FNDC3A: variants seen among roughly 807,000 people sequenced by gnomAD.
FNDC3A encodes fibronectin type III domain containing 3A, also known as fibronectin type-III domain-containing protein 3A.
Under a neutral mutation model 148.9 loss-of-function variants are expected in FNDC3A, and 32 were observed. That is an observed-to-expected ratio of 0.21 (90% CI 0.16 to 0.29). The LOEUF (loss-of-function observed/expected upper bound fraction) is 0.29. Among genes scored for constraint, FNDC3A ranks in the 10% least tolerant of loss-of-function variants. The pLI, the probability that FNDC3A is intolerant of heterozygous loss-of-function variation, is 1.00. For missense variants in FNDC3A, 1,191 were observed against 1,452.8 expected, an observed-to-expected ratio of 0.82 and a Z score of 2.93; for synonymous variants, 472 against 473.6, an observed-to-expected ratio of 1.00 and a Z score of 0.04.
chr13:49,096,209 A>G (rs1425829709), intron 3 of FNDC3A, among the ~76,000 whole-genome samples: 1 of 152,144 alleles, frequency 6.6e-6, no homozygotes, highest in Non-Finnish European at 1.5e-5. Flanking sequence ...ACAAAATAAC[A>G]TAATGGTTGC....
intron 1 of FNDC3A, among the ~76,000 whole-genome samples, chr13:48,996,756 C>T (rs566125083): frequency 5.3e-5 from 8 of 152,034 alleles, no homozygotes; most frequent in Non-Finnish European, 1.0e-4. Context: ...CATCAAAAAA[C>T]CACATCAAAA....
chr13:49,065,284 A>G (rs1279452588), intron 2 of FNDC3A, among the ~76,000 whole-genome samples: 1 of 152,158 alleles, frequency 6.6e-6, no homozygotes, highest in Non-Finnish European at 1.5e-5. Context: ...TCAGGAACCC[A>G]GGAGGGAACT....
chr13:49,147,162 A>G (rs1292390180), intron 8 of FNDC3A, among the ~76,000 whole-genome samples: 2 of 152,198 alleles, frequency 1.3e-5, no homozygotes, highest in Non-Finnish European at 2.9e-5. Flanking sequence ...AGGGGTAAGT[A>G]GGGGATAAAG....
intron 11 of FNDC3A, among the ~76,000 whole-genome samples, chr13:49,173,902 T>G (rs1166008657): frequency 6.6e-6 from 1 of 152,226 alleles, no homozygotes; most frequent in East Asian, 1.9e-4. Context: ...TCTCTCCTTC[T>G]TATTGCCTGT....
At chr13:49,193,319 G>GGTAT (rs975969556) in intron 19 of FNDC3A, among the ~76,000 whole-genome samples, 1 of 152,114 alleles carries the variant, frequency 6.6e-6, no homozygotes, top group Non-Finnish European at 1.5e-5. Context: ...GGAGAGCAGG[G>GGTAT]GTATGATCAT....
At chr13:49,046,337 G>A in intron 2 of FNDC3A, 1 of 177,416 alleles carries the variant, frequency 5.6e-6, no homozygotes, top group Middle Eastern at 5.0e-4. Flanking sequence ...TAAACATCTT[G>A]AAACAATCTT....
intron 19 of FNDC3A, 87 bp downstream of exon 19, chr13:49,191,471 AT>A (rs1885884939): frequency 8.5e-7 from 1 of 1,174,728 alleles, no homozygotes; most frequent in Non-Finnish European, 1.2e-6. Flanking sequence ...TTATTTGGCC[AT>A]TTGGCTTTAA....
At chr13:49,124,954 G>A (rs1430042400) in intron 4 of FNDC3A, among the ~76,000 whole-genome samples, 1 of 152,152 alleles carries the variant, frequency 6.6e-6, no homozygotes. Context: ...ACTCCTGAAA[G>A]GCAATATCAG....
intron 3 of FNDC3A, among the ~76,000 whole-genome samples, chr13:49,113,681 C>G (rs1880732302): frequency 6.6e-6 from 1 of 152,048 alleles, no homozygotes; most frequent in Admixed American, 6.6e-5. Flanking sequence ...TTCTTATTCC[C>G]TTAGAAATAA....
At chr13:49,112,433 C>T (rs1010729745) in intron 3 of FNDC3A, among the ~76,000 whole-genome samples, 3 of 151,496 alleles carry the variant, frequency 2.0e-5, no homozygotes, top group Non-Finnish European at 4.4e-5. Flanking sequence ...GCTTTTCTGC[C>T]TAGAGGTATA....
intron 2 of FNDC3A, among the ~76,000 whole-genome samples, chr13:49,073,110 A>T (rs1311173864): frequency 6.6e-6 from 1 of 152,226 alleles, no homozygotes; most frequent in African/African-American, 2.4e-5. Flanking sequence ...ACAGCTGTAG[A>T]TGAAGTTAAA....
chr13:49,071,967 A>G (rs1433824536), intron 2 of FNDC3A, among the ~76,000 whole-genome samples: 1 of 152,130 alleles, frequency 6.6e-6, no homozygotes, highest in Admixed American at 6.5e-5. Context: ...GTGAGCTACC[A>G]TGTCCAGCTA....
intron 2 of FNDC3A, among the ~76,000 whole-genome samples, chr13:49,068,714 T>C (rs1877438090): frequency 6.6e-6 from 1 of 152,194 alleles, no homozygotes; most frequent in Non-Finnish European, 1.5e-5. Context: ...CATGGAATAC[T>C]ATGCAGCCAT....
intron 5 of FNDC3A, among the ~76,000 whole-genome samples, chr13:49,132,586 A>G (rs987255811): frequency 6.6e-6 from 1 of 152,192 alleles, no homozygotes; most frequent in Admixed American, 6.5e-5. Context: ...GACATTTCCA[A>G]ATGATCCCTA....
At chr13:49,023,465 T>C (rs1873473963) in intron 2 of FNDC3A, among the ~76,000 whole-genome samples, 1 of 151,528 alleles carries the variant, frequency 6.6e-6, no homozygotes, top group Non-Finnish European at 1.5e-5. Flanking sequence ...TTTAATATGT[T>C]TTTAAAACTG....
In FNDC3A at chr13:49,207,275, G is replaced by C. The variant is rs1441035169; in HGVS notation, c.3477G>C (p.Val1159=). 7 of 1,614,074 alleles carry C rather than the reference G, an allele frequency of 4.3e-6. No homozygotes were observed. The African/African-American group carries it at 8.0e-5, about 18-fold the overall frequency. Residue 1159 remains valine (V), a synonymous_variant, in exon 26 of 26, where the codon GTG becomes GTC. Transcript: ENST00000492622. The part of the protein sequence containing the change: ...EPPASTNRDT[V]ESTRTRRALS... Reference sequence around the variant, plus strand: ...CAGCCAGCACCAACAGAGACACTGTGGAAAGCACAAGGACCCGACGGGCAC... The same window carrying C: ...CAGCCAGCACCAACAGAGACACTGTCGAAAGCACAAGGACCCGACGGGCAC...
At chr13:49,062,758 G>T (rs1052791724) in intron 2 of FNDC3A, among the ~76,000 whole-genome samples, 2 of 152,092 alleles carry the variant, frequency 1.3e-5, no homozygotes, top group Middle Eastern at 3.2e-3. Context: ...AAGTTAATTG[G>T]CTGAGTACTT....
chr13:49,132,522 G>A (rs994745086), intron 5 of FNDC3A, among the ~76,000 whole-genome samples: 1 of 152,182 alleles, frequency 6.6e-6, no homozygotes, highest in African/African-American at 2.4e-5. Context: ...CACAGTTGTA[G>A]CACACAACTC....
At chr13:48,998,713 A>G (rs1362153240) in intron 1 of FNDC3A, among the ~76,000 whole-genome samples, 1 of 152,242 alleles carries the variant, frequency 6.6e-6, no homozygotes, top group African/African-American at 2.4e-5. Flanking sequence ...AAGATCTGGA[A>G]AATTCTCAGC....
Sources: allele counts gnomAD v4.1 joint callset (sites outside exome capture counted in the v4.1 genomes callset), GRCh38; gene constraint gnomAD v4.1.1; transcripts MANE v1.5; gene names NCBI Gene and HGNC (gene_info 2026-07-23, HGNC 2026-07-21).